The following NFYA variants were observed in gnomAD, a reference collection of about 807,000 sequenced individuals.
NFYA encodes CAAT-box DNA binding protein subunit A.
Under a neutral mutation model 52.8 loss-of-function variants are expected in NFYA, and 28 were observed. That is an observed-to-expected ratio of 0.53 (90% CI 0.39 to 0.73). NFYA has a LOEUF of 0.73. Ranked by LOEUF, NFYA falls within the 30% of genes least tolerant of loss-of-function variation. NFYA has a pLI of 0.00. For missense variants in NFYA, 234 were observed against 427.0 expected (o/e 0.55, Z 3.98); for synonymous variants, 150 against 150.7 (o/e 1.00, Z 0.03).
In NFYA at chr6:41,080,386, C is replaced by T. The variant is rs188523822; in HGVS notation, c.76-425C>T. Among the ~76,000 whole-genome samples, 590 of 152,230 alleles carry T rather than the reference C, an allele frequency of 3.9e-3. 11 individuals are homozygous for T. The South Asian group carries it at 0.061, about 16-fold the overall frequency. ...GATTTCGGTTCATAGTGATTAATTA[C>T]TCCTCCTTTCTTGGTGATTGCATTT... On this transcript the variant is annotated intron_variant, in intron 2 of 9. Transcript: ENST00000341376.
intron 3 of NFYA, among the ~76,000 whole-genome samples, chr6:41,083,844 C>G (rs1763972598): frequency 6.6e-6 from 1 of 152,154 alleles, no homozygotes; most frequent in South Asian, 2.1e-4. Context: ...TATGTCTGAC[C>G]TTAAAGTATT....
At position 41,101,859 on chromosome 6, in the gene NFYA, G is replaced by A. The variant is rs1764510410; in HGVS notation, c.*4449G>A. Among the ~76,000 whole-genome samples, 3 of 152,174 alleles carry A rather than the reference G, an allele frequency of 2.0e-5. No homozygotes were observed. Among genetic ancestry groups the A allele is most frequent in the Non-Finnish European group, 4.4e-5 (3 of 68,034 alleles). On this transcript the variant is annotated 3_prime_UTR_variant, in exon 10 of 10. Transcript: ENST00000341376. ...GCAGCAGCAACCAACCTGGCCCTTA[G>A]TAGTTTCTAAGTTACACCATGTTAA...
chr6:41,096,482 G>A (rs1303520716), intron 9 of NFYA, among the ~76,000 whole-genome samples: 1 of 152,160 alleles, frequency 6.6e-6, no homozygotes, highest in Non-Finnish European at 1.5e-5. Flanking sequence ...ATACTTCACA[G>A]CAATGTTGTA....
At chr6:41,087,640 T>G (rs1322547334) in intron 4 of NFYA, among the ~76,000 whole-genome samples, 1 of 152,236 alleles carries the variant, frequency 6.6e-6, no homozygotes, top group African/African-American at 2.4e-5. Flanking sequence ...CTTTTAAGTT[T>G]GGGAGGTATT....
intron 1 of NFYA, among the ~76,000 whole-genome samples, chr6:41,074,497 TATC>T (rs1763674824): frequency 6.6e-6 from 1 of 152,232 alleles, no homozygotes; most frequent in East Asian, 1.9e-4. Flanking sequence ...GTGAAAGGCT[TATC>T]ACCACCGCAC....
chr6:41,083,031 TTTCA>T (rs1297604156), intron 3 of NFYA, among the ~76,000 whole-genome samples: 2 of 152,248 alleles, frequency 1.3e-5, no homozygotes, highest in Non-Finnish European at 2.9e-5. Flanking sequence ...TTGCACATAC[TTTCA>T]TTAAGTGTGA....
At chr6:41,073,117 G>C (rs1370364609) in intron 1 of NFYA, 33 bp downstream of exon 1, 2 of 153,398 alleles carry the variant, frequency 1.3e-5, no homozygotes, top group African/African-American at 4.8e-5. Context: ...CAGCGGCCCA[G>C]AGCCGGCCCC....
At chr6:41,088,567 A>C (rs1042982364) in intron 4 of NFYA, among the ~76,000 whole-genome samples, 3 of 151,990 alleles carry the variant, frequency 2.0e-5, no homozygotes, top group Non-Finnish European at 4.4e-5. Flanking sequence ...ACTAGAGTAG[A>C]ATACATTTTG....
At chr6:41,089,556 T>A (rs759098446) in intron 4 of NFYA, 23 bp from the exon 5 acceptor site, 2 of 1,585,952 alleles carry the variant, frequency 1.3e-6, no homozygotes, top group Admixed American at 1.8e-5. Flanking sequence ...AGTACAATCC[T>A]TTTTTTATGT....
intron 1 of NFYA, among the ~76,000 whole-genome samples, chr6:41,073,442 G>A (rs932667544): frequency 1.6e-4 from 24 of 152,116 alleles, no homozygotes; most frequent in Non-Finnish European, 3.4e-4. Context: ...TACACTAGGG[G>A]ACACATGCGC....
chr6:41,081,039 A>T (rs538468324), intron 3 of NFYA, 142 bp downstream of exon 3: 5 of 593,456 alleles, frequency 8.4e-6, no homozygotes, highest in Non-Finnish European at 1.2e-5. Flanking sequence ...TTTGAGGCTT[A>T]TAAGATGCCA....
At chr6:41,085,476 C>G (rs1055919210) in intron 4 of NFYA, among the ~76,000 whole-genome samples, 66 of 152,178 alleles carry the variant, frequency 4.3e-4, no homozygotes, top group African/African-American at 1.6e-3. Context: ...GTGATCTCAT[C>G]TTTGTAATTC....
chr6:41,078,307 G>A (rs1347628312), intron 1 of NFYA, among the ~76,000 whole-genome samples: 2 of 152,136 alleles, frequency 1.3e-5, no homozygotes, highest in South Asian at 2.1e-4. Flanking sequence ...ATGGAGAGTG[G>A]TACTGTACTT....
chr6:41,073,782 C>T (rs1763630313), intron 1 of NFYA, among the ~76,000 whole-genome samples: 1 of 152,146 alleles, frequency 6.6e-6, no homozygotes, highest in African/African-American at 2.4e-5. Context: ...CCTGCTCCGC[C>T]GCGCCCCTCC....
rs113931093 is a variant in NFYA, at chr6:41,099,105, G to T, written c.*1695G>T. On this transcript the variant is annotated 3_prime_UTR_variant, in exon 10 of 10. Coordinates refer to ENST00000341376, the MANE Select transcript of NFYA (RefSeq NM_002505.5). ...GTACAGAGCTATGCAAAGGAAACAG[G>T]AAGTGAAATATTCCTAGTCCCAGGG... The T allele has an allele frequency of 6.6e-6, 1 of 152,212 alleles. No individual in the cohort carries two copies. Among genetic ancestry groups the T allele is most frequent in the Non-Finnish European group, 1.5e-5 (1 of 68,042 alleles). The allele number at this position is 152,212 out of a possible 1,614,324, so 9.4% of individuals were successfully genotyped here.
intron 1 of NFYA, among the ~76,000 whole-genome samples, chr6:41,076,679 C>T (rs1323611214): frequency 6.6e-6 from 1 of 152,206 alleles, no homozygotes; most frequent in East Asian, 1.9e-4. Flanking sequence ...TTGTTTCTCT[C>T]TCTTTGAGGA....
At position 41,100,019 on chromosome 6, in the gene NFYA, TTG is replaced by T. The variant is rs1243688466; in HGVS notation, c.*2613_*2614del. On this transcript the variant is annotated 3_prime_UTR_variant, in exon 10 of 10. Coordinates refer to ENST00000341376, the MANE Select transcript of NFYA (RefSeq NM_002505.5). ...GAATCTGCAACTCCTGGGTTCTAGT[TTG>T]TGTTTCCAGTGTTGAAATTTTGATC... The T allele has an allele frequency of 2.6e-5, 4 of 152,148 alleles. No homozygotes were observed. Among genetic ancestry groups the T allele is most frequent in the African/African-American group, 9.7e-5 (4 of 41,428 alleles). The allele number at this position is 152,148 out of a possible 1,614,324, so 9.4% of individuals were successfully genotyped here. A position where few individuals can be genotyped will look rare whatever the true frequency, so the allele number is the denominator to read the frequency against.
chr6:41,094,421 G>A lies in NFYA; in HGVS notation c.914G>A (p.Arg305His), dbSNP rs369611811. The change falls in exon 9 of 10, where the codon CGT becomes CAT. Residue 305 changes from arginine to histidine, a missense_variant. By Grantham distance (29) the Arg-to-His change is conservative (BLOSUM62 0). This residue lies in a region of NFYA where 81 missense variants were observed against 210.5 expected (regional missense o/e 0.38). Transcript: ENST00000341376. ...AAATACCTGCATGAGTCTCGGCACC[G>A]TCATGCCATGGCACGGAAGCGTGGT... ...RRKYLHESRH[R>H]HAMARKRGEG... The A allele has an allele frequency of 6.2e-7, 1 of 1,614,006 alleles. No homozygotes were observed. The highest frequency in any genetic ancestry group is 1.3e-5 in the African/African-American group (1 of 74,930).
intron 7 of NFYA, among the ~76,000 whole-genome samples, chr6:41,092,599 G>C (rs561713789): frequency 1.3e-4 from 20 of 151,910 alleles, no homozygotes; most frequent in Non-Finnish European, 2.4e-4. Flanking sequence ...CTGTTTTTTT[G>C]TCTTATGACT....
Sources: allele counts gnomAD v4.1 joint callset (sites outside exome capture counted in the v4.1 genomes callset), GRCh38; gene constraint gnomAD v4.1.1; regional missense constraint gnomAD v4.1.1; transcripts MANE v1.5; gene names NCBI Gene and HGNC (gene_info 2026-07-23, HGNC 2026-07-21).